Variants in HASPIN observed in about 807,000 individuals in gnomAD.
HASPIN encodes the protein serine/threonine-protein kinase haspin.
Under a neutral mutation model 28.8 loss-of-function variants are expected in HASPIN, and 24 were observed. That is an observed-to-expected ratio of 0.83 (90% CI 0.60 to 1.17). The LOEUF (loss-of-function observed/expected upper bound fraction) is 1.17. Among genes scored for constraint, HASPIN ranks in the 50% most tolerant of loss-of-function variants. The pLI is 0.00. For missense variants in HASPIN, 1,016 were observed against 1,018.5 expected, an observed-to-expected ratio of 1.00 and a Z score of 0.03; for synonymous variants, 440 against 413.1, an observed-to-expected ratio of 1.07 and a Z score of -0.79.
Position 3,726,355 on chromosome 17 carries a change from G to T in HASPIN, c.*23G>T, listed in dbSNP as rs772423161. On this transcript the variant is annotated 3_prime_UTR_variant, in exon 1 of 1. Transcript: ENST00000325418. ...TAAGCTAAATGTATCTTACTGCCCCGAAATGAGAGGAGACTGGTCTTGAAG... is the reference window on the plus strand; with the variant it reads ...TAAGCTAAATGTATCTTACTGCCCCTAAATGAGAGGAGACTGGTCTTGAAG... 6.6e-7 allele frequency: 1 copy of T among 1,507,980 alleles called. No individual in the cohort carries two copies. Among genetic ancestry groups the T allele is most frequent in the Non-Finnish European group, 9.1e-7 (1 of 1,098,824 alleles). The allele number at this position is 1,507,980 out of a possible 1,614,324, so 93.4% of individuals were successfully genotyped here. A position where few individuals can be genotyped will look rare whatever the true frequency, so the allele number is the denominator to read the frequency against.
In HASPIN at chr17:3,725,234, G is replaced by C. The variant is rs760509321; in HGVS notation, c.1299G>C (p.Pro433=). The C allele has an allele frequency of 6.2e-7, 1 of 1,614,126 alleles. No homozygotes were observed. Among genetic ancestry groups the C allele is most frequent in the Non-Finnish European group, 8.5e-7 (1 of 1,180,008 alleles). ...RPVMNRTSGA[P]SSWHSSSMYL... is the part of the protein sequence containing the mutation. ...TCATGAACAGAACAAGTGGTGCTCCGTCCTCTTGGCACTCCTCCTCTATGT... is the reference window on the plus strand; with the variant it reads ...TCATGAACAGAACAAGTGGTGCTCCCTCCTCTTGGCACTCCTCCTCTATGT... The change falls in exon 1 of 1, where the codon CCG becomes CCC. Residue 433 remains proline (P), a synonymous_variant. Coordinates refer to ENST00000325418, the MANE Select transcript of HASPIN (RefSeq NM_031965.2).
In HASPIN at chr17:3,725,050, T is replaced by G; in HGVS notation, c.1115T>G (p.Leu372Arg). 6.2e-7 allele frequency: 1 copy of G among 1,614,262 alleles called. No individual in the cohort carries two copies. The highest frequency in any genetic ancestry group is 1.1e-5 in the South Asian group (1 of 91,086). Reference protein sequence around the residue: ...LGKDSFPTQDLTPLQNVCFWT... With the variant: ...LGKDSFPTQDRTPLQNVCFWT... ...AAAGATTCGTTCCCCACCCAGGACCTGACTCCTTTACAGAATGTCTGCTTT... is the reference window on the plus strand; with the variant it reads ...AAAGATTCGTTCCCCACCCAGGACCGGACTCCTTTACAGAATGTCTGCTTT... Residue 372 changes from leucine (L) to arginine (R), a missense_variant, in exon 1 of 1, where the codon CTG becomes CGG. Leu to Arg is a moderately radical substitution (Grantham distance 102). Around this residue, in one of 3 missense-constraint regions of HASPIN, gnomAD observed 881 missense variants for 845.5 expected, o/e 1.04. Coordinates refer to ENST00000325418, the MANE Select transcript of HASPIN (RefSeq NM_031965.2).
In HASPIN at chr17:3,725,414, G is replaced by A; in HGVS notation, c.1479G>A (p.Gly493=). ...KLQRCEKIGE[G]VFGEVFQTIA... is the part of the protein sequence containing the mutation. Reference sequence around the variant, plus strand: ...AACGCTGTGAGAAGATTGGGGAAGGGGTGTTTGGCGAAGTGTTTCAAACAA... The same window carrying A: ...AACGCTGTGAGAAGATTGGGGAAGGAGTGTTTGGCGAAGTGTTTCAAACAA... The change falls in exon 1 of 1, where the codon GGG becomes GGA. Residue 493 remains glycine, a synonymous_variant. Transcript: ENST00000325418. The A allele has an allele frequency of 6.2e-7, 1 of 1,614,172 alleles. No individual in the cohort carries two copies. Among genetic ancestry groups the A allele is most frequent in the Non-Finnish European group, 8.5e-7 (1 of 1,180,018 alleles).
At position 3,725,373 on chromosome 17, in the gene HASPIN, C is replaced by T. The variant is rs149971745; in HGVS notation, c.1438C>T (p.Pro480Ser). ...TCCTGTCCCCTTTAGCCATTGCCTT[C>T]CCACAGAAAAACTGCAACGCTGTGA... Reference protein sequence around the residue: ...KGPVPFSHCLPTEKLQRCEKI... With the variant: ...KGPVPFSHCLSTEKLQRCEKI... The change falls in exon 1 of 1, where the codon CCC (proline) becomes TCC (serine). Residue 480 changes from proline to serine, a missense_variant. Around this residue, in one of 3 missense-constraint regions of HASPIN, gnomAD observed 881 missense variants for 845.5 expected, o/e 1.04. Coordinates refer to ENST00000325418, the MANE Select transcript of HASPIN (RefSeq NM_031965.2). 153 of 1,614,094 alleles carry T rather than the reference C, an allele frequency of 9.5e-5. No individual in the cohort carries two copies. The highest frequency in any genetic ancestry group is 1.2e-4 in the Non-Finnish European group (145 of 1,180,052).
rs763538473 is a variant in HASPIN, at chr17:3,724,740, T to A, written c.805T>A (p.Ser269Thr). 1.2e-6 allele frequency: 2 copies of A among 1,613,514 alleles called. No homozygotes were observed. Among genetic ancestry groups the A allele is most frequent in the African/African-American group, 2.7e-5 (2 of 74,680 alleles). Residue 269 changes from serine to threonine, a missense_variant, in exon 1 of 1, where the codon TCC (serine) becomes ACC (threonine). Physicochemically the swap from Ser to Thr is moderately conservative, Grantham distance 58. Around this residue, in one of 3 missense-constraint regions of HASPIN, gnomAD observed 881 missense variants for 845.5 expected, o/e 1.04. Transcript: ENST00000325418. ...FRADGKNMRE[S>T]CCKRKLVVGN... ...GGCAGATGGGAAGAATATGAGAGAG[T>A]CCTGCTGTAAAAGGAAACTGGTGGT...
In HASPIN at chr17:3,724,304, G is replaced by A. The variant is rs1301268910; in HGVS notation, c.369G>A (p.Pro123=). ...PRRLGLRARP[P]QKCSTPCGPL... ...GCCTGGGGCTGCGAGCTCGGCCCCC[G>A]CAGAAGTGCAGCACACCCTGCGGCC... The change falls in exon 1 of 1, where the codon CCG becomes CCA. Residue 123 remains proline (P), a synonymous_variant. Transcript: ENST00000325418. The A allele has an allele frequency of 1.3e-6, 2 of 1,587,160 alleles. No individual in the cohort carries two copies. The highest frequency in any genetic ancestry group is 1.7e-6 in the Non-Finnish European group (2 of 1,173,636).
In HASPIN at chr17:3,724,283, G is replaced by C; in HGVS notation, c.348G>C (p.Leu116=). The change falls in exon 1 of 1, where the codon CTG becomes CTC. Residue 116 remains leucine, a synonymous_variant. Transcript: ENST00000325418. ...GCCTAACCGTGACCCCAAGACGCCT[G>C]GGGCTGCGAGCTCGGCCCCCGCAGA... The part of the protein sequence containing the change: ...RPSLTVTPRR[L]GLRARPPQKC... 6.3e-7 allele frequency: 1 copy of C among 1,588,304 alleles called. No homozygotes were observed. Among genetic ancestry groups the C allele is most frequent in the Middle Eastern group, 1.7e-4 (1 of 6,056 alleles).
Position 3,724,996 on chromosome 17 carries a change from A to C in HASPIN, c.1061A>C (p.His354Pro). The change falls in exon 1 of 1, where the codon CAC becomes CCC. Residue 354 changes from histidine (H) to proline (P), a missense_variant. His to Pro is a moderately conservative substitution (Grantham distance 77). This residue lies in a region of HASPIN where 881 missense variants were observed against 845.5 expected (regional missense o/e 1.04). Transcript: ENST00000325418. ...ACGGAAACCTCTCTCCTCCATTCCCACCGCTTTAAAAAGGGCCAAAAGCTG... is the reference window on the plus strand; with the variant it reads ...ACGGAAACCTCTCTCCTCCATTCCCCCCGCTTTAAAAAGGGCCAAAAGCTG... ...EATETSLLHS[H>P]RFKKGQKLGK... is the part of the protein sequence containing the mutation. The C allele has an allele frequency of 1.9e-6, 3 of 1,614,100 alleles. No homozygotes were observed. The South Asian group carries it at 3.3e-5, about 18-fold the overall frequency.
chr17:3,725,424 G>A lies in HASPIN; in HGVS notation c.1489G>A (p.Glu497Lys). 1.2e-6 allele frequency: 2 copies of A among 1,614,172 alleles called. No homozygotes were observed. Among genetic ancestry groups the A allele is most frequent in the Non-Finnish European group, 8.5e-7 (1 of 1,180,006 alleles). ...CEKIGEGVFG[E>K]VFQTIADHTP... ...GAAGATTGGGGAAGGGGTGTTTGGC[G>A]AAGTGTTTCAAACAATTGCTGATCA... Residue 497 changes from glutamate (E) to lysine (K), a missense_variant, in exon 1 of 1, where the codon GAA becomes AAA. By Grantham distance (56) the Glu-to-Lys change is moderately conservative. Around this residue, in one of 3 missense-constraint regions of HASPIN, gnomAD observed 881 missense variants for 845.5 expected, o/e 1.04. Transcript: ENST00000325418.
Position 3,724,633 on chromosome 17 carries a change from T to C in HASPIN, c.698T>C (p.Met233Thr). The C allele has an allele frequency of 6.2e-7, 1 of 1,614,192 alleles. No homozygotes were observed. The highest frequency in any genetic ancestry group is 2.2e-5 in the East Asian group (1 of 44,886). The change falls in exon 1 of 1, where the codon ATG becomes ACG. Residue 233 changes from methionine to threonine, a missense_variant. Transcript: ENST00000325418. ...ACAGGAGGAGCCAAGGACACCAGGA[T>C]GGTCCACCAAACCCGCGCCAGCCTC... ...EATGGAKDTR[M>T]VHQTRASLRS... is the part of the protein sequence containing the mutation.
rs189419835 is a variant in HASPIN at position 3,725,134 on chromosome 17, C to T, written c.1199C>T (p.Ser400Leu). 1.2e-6 allele frequency: 2 copies of T among 1,614,180 alleles called. No individual in the cohort carries two copies. Among genetic ancestry groups the T allele is most frequent in the Admixed American group, 3.3e-5 (2 of 60,016 alleles). ...AAGAAGAAAATTGTGACTGATGTGT[C>T]AGAGGTCTGCAGCATCTATACCACT... ...FHKKKIVTDVSEVCSIYTTAT... is the reference protein window; with the variant it reads ...FHKKKIVTDVLEVCSIYTTAT... Residue 400 changes from serine (S) to leucine (L), a missense_variant, in exon 1 of 1, where the codon TCA (serine) becomes TTA (leucine). Ser to Leu is a moderately radical substitution (Grantham distance 145). Around this residue, in one of 3 missense-constraint regions of HASPIN, gnomAD observed 881 missense variants for 845.5 expected, o/e 1.04. Transcript: ENST00000325418.
Position 3,725,544 on chromosome 17 carries a change from A to G in HASPIN, c.1609A>G (p.Ile537Val). 6.2e-7 allele frequency: 1 copy of G among 1,614,250 alleles called. No individual in the cohort carries two copies. The highest frequency in any genetic ancestry group is 8.5e-7 in the Non-Finnish European group (1 of 1,180,046). ...KTFEEILPEI[I>V]ISKELSLLSG... is the part of the protein sequence containing the mutation. ...CTTTGAGGAAATCCTGCCAGAGATC[A>G]TCATCTCCAAAGAGTTGAGCCTCTT... is the stretch of plus-strand genomic sequence containing the variant. Residue 537 changes from isoleucine (I) to valine (V), a missense_variant, in exon 1 of 1, where the codon ATC (isoleucine) becomes GTC (valine). Around this residue, in one of 3 missense-constraint regions of HASPIN, gnomAD observed 881 missense variants for 845.5 expected, o/e 1.04. Transcript: ENST00000325418.
rs2051195478 is a variant in HASPIN at position 3,725,777 on chromosome 17, A to C, written c.1842A>C (p.Gln614His). ...EFEFGGIDLEQMRTKLSSLAT... is the reference protein window; with the variant it reads ...EFEFGGIDLEHMRTKLSSLAT... Reference sequence around the variant, plus strand: ...AGTTTGGAGGGATTGACTTAGAGCAAATGCGAACCAAGTTGTCTTCCTTGG... The same window carrying C: ...AGTTTGGAGGGATTGACTTAGAGCACATGCGAACCAAGTTGTCTTCCTTGG... The change falls in exon 1 of 1, where the codon CAA becomes CAC. Residue 614 changes from glutamine to histidine, a missense_variant. By Grantham distance (24) the Gln-to-His change is conservative (BLOSUM62 0). Transcript: ENST00000325418. 2 of 1,602,170 alleles carry C rather than the reference A, an allele frequency of 1.2e-6. No individual in the cohort carries two copies. The highest frequency in any genetic ancestry group is 1.1e-5 in the South Asian group (1 of 90,226).
chr17:3,724,008 C>G lies in HASPIN; in HGVS notation c.73C>G (p.Arg25Gly), dbSNP rs750548993. 2.5e-6 allele frequency: 4 copies of G among 1,592,372 alleles called. No individual in the cohort carries two copies. The highest frequency in any genetic ancestry group is 1.1e-5 in the South Asian group (1 of 90,586). ...TYGAADGRRQ[R>G]RPGREAAQWF... ...TGGGGCTGCGGACGGCAGGAGACAGCGGCGGCCGGGCCGGGAAGCCGCGCA... is the reference window on the plus strand; with the variant it reads ...TGGGGCTGCGGACGGCAGGAGACAGGGGCGGCCGGGCCGGGAAGCCGCGCA... The change falls in exon 1 of 1, where the codon CGG becomes GGG. Residue 25 changes from arginine (R) to glycine (G), a missense_variant. By Grantham distance (125) the Arg-to-Gly change is moderately radical (BLOSUM62 -2). Transcript: ENST00000325418.
In HASPIN at chr17:3,724,327, G is replaced by A. The variant is rs767744733; in HGVS notation, c.392G>A (p.Gly131Asp). 13 of 1,588,070 alleles carry A rather than the reference G, an allele frequency of 8.2e-6. No homozygotes were observed. Among genetic ancestry groups the A allele is most frequent in the Non-Finnish European group, 1.1e-5 (13 of 1,173,164 alleles). ...CCGCAGAAGTGCAGCACACCCTGCG[G>A]CCCGCTCCGACTTCCGCCCTTCCCC... ...RPPQKCSTPC[G>D]PLRLPPFPSR... The change falls in exon 1 of 1, where the codon GGC (glycine) becomes GAC (aspartate). Residue 131 changes from glycine (G) to aspartate (D), a missense_variant. Gly to Asp is a moderately conservative substitution (Grantham distance 94). Around this residue, in one of 3 missense-constraint regions of HASPIN, gnomAD observed 881 missense variants for 845.5 expected, o/e 1.04. Transcript: ENST00000325418.
In HASPIN at chr17:3,726,496, G is replaced by A; in HGVS notation, c.*164G>A. On this transcript the variant is annotated 3_prime_UTR_variant, in exon 1 of 1. Transcript: ENST00000325418. ...TTTCCAAATGGAAACTGAAATATTT[G>A]TTGAAATGTTTAAATTTGCTGATAA... The A allele has an allele frequency of 1.6e-6, 1 of 608,184 alleles. No homozygotes were observed. The highest frequency in any genetic ancestry group is 2.7e-5 in the East Asian group (1 of 36,748). The allele number at this position is 608,184 out of a possible 1,614,324, so 37.7% of individuals were successfully genotyped here. A position where few individuals can be genotyped will look rare whatever the true frequency, so the allele number is the denominator to read the frequency against.
chr17:3,726,492 A>T lies in HASPIN; in HGVS notation c.*160A>T. ...TTTGTTTCCAAATGGAAACTGAAAT[A>T]TTTGTTGAAATGTTTAAATTTGCTG... On this transcript the variant is annotated 3_prime_UTR_variant, in exon 1 of 1. Transcript: ENST00000325418. 1 of 612,670 alleles carries T rather than the reference A, an allele frequency of 1.6e-6. No individual in the cohort carries two copies. The highest frequency in any genetic ancestry group is 2.2e-5 in the South Asian group (1 of 44,932). The allele number at this position is 612,670 out of a possible 1,614,324, so 38.0% of individuals were successfully genotyped here. A position where few individuals can be genotyped will look rare whatever the true frequency, so the allele number is the denominator to read the frequency against.
Position 3,723,934 on chromosome 17 carries a change from C to T in HASPIN, c.-2C>T. On this transcript the variant is annotated 5_prime_UTR_variant, in exon 1 of 1. Transcript: ENST00000325418. ...GTTTGAACCTCTTGGCGGGTGCCGG[C>T]CATGGCGGCTTCGCTCCCGGGACCT... 4 of 1,549,028 alleles carry T rather than the reference C, an allele frequency of 2.6e-6. No homozygotes were observed. The highest frequency in any genetic ancestry group is 3.5e-6 in the Non-Finnish European group (4 of 1,148,260).
Position 3,725,402 on chromosome 17 carries a change from G to A in HASPIN, c.1467G>A (p.Lys489=). 6.2e-7 allele frequency: 1 copy of A among 1,614,254 alleles called. No homozygotes were observed. The highest frequency in any genetic ancestry group is 8.5e-7 in the Non-Finnish European group (1 of 1,180,034). The change falls in exon 1 of 1, where the codon AAG becomes AAA. Residue 489 remains lysine (K), a synonymous_variant. Coordinates refer to ENST00000325418, the MANE Select transcript of HASPIN (RefSeq NM_031965.2). The part of the protein sequence containing the change: ...LPTEKLQRCE[K]IGEGVFGEVF... ...CAGAAAAACTGCAACGCTGTGAGAA[G>A]ATTGGGGAAGGGGTGTTTGGCGAAG...
Sources: allele counts gnomAD v4.1 joint callset, GRCh38; gene constraint gnomAD v4.1.1; regional missense constraint gnomAD v4.1.1; transcripts MANE v1.5; gene names NCBI Gene and HGNC (gene_info 2026-07-23, HGNC 2026-07-21).